TANC2: variants seen among roughly 807,000 people sequenced by gnomAD.
TANC2 encodes tetratricopeptide repeat, ankyrin repeat and coiled-coil containing 2, also known as protein TANC2.
Under a neutral mutation model 210.5 loss-of-function variants are expected in TANC2, and 26 were observed. That is an observed-to-expected ratio of 0.12 (90% confidence interval 0.09 to 0.17). TANC2 has a LOEUF of 0.17. Among genes scored for constraint, TANC2 ranks in the 10% least tolerant of loss-of-function variants. TANC2 has a pLI of 1.00. For synonymous variants in TANC2, 931 were observed against 967.1 expected, an observed-to-expected ratio of 0.96 and a Z score of 0.69; for missense variants, 2,129 against 2,608.9, an observed-to-expected ratio of 0.82 and a Z score of 4.01.
At chr17:63,194,199 A>G (rs1375946941) in intron 6 of TANC2, 60 bp downstream of exon 6, 3 of 1,528,806 alleles carry the variant, frequency 2.0e-6, no homozygotes, top group Non-Finnish European at 2.7e-6. Flanking sequence ...TATGCCAGAA[A>G]TAATCCCAAT....
intron 3 of TANC2, among the ~76,000 whole-genome samples, chr17:63,093,072 A>C (rs1239122347): frequency 6.6e-6 from 1 of 152,116 alleles, no homozygotes; most frequent in African/African-American, 2.4e-5. Flanking sequence ...GAAGAGTAGA[A>C]ATTTTTAATT....
At chr17:63,270,448 T>C (rs947582987) in intron 9 of TANC2, among the ~76,000 whole-genome samples, 2 of 152,192 alleles carry the variant, frequency 1.3e-5, no homozygotes, top group Admixed American at 6.6e-5. Flanking sequence ...ACATGTCACA[T>C]CATGCTTTCT....
In TANC2 at chr17:63,045,615, A is replaced by G. The variant is rs1253282077; in HGVS notation, c.68-28328A>G. Among the ~76,000 whole-genome samples, 3 of 152,004 alleles carry G rather than the reference A, an allele frequency of 2.0e-5. No homozygotes were observed. The East Asian group carries it at 5.8e-4, about 29-fold the overall frequency. On this transcript the variant is annotated intron_variant, in intron 2 of 27. Transcript: ENST00000689528. ...GGTAAGGGGATTATGGTATGAGAAA[A>G]GGGTCTAATCTTTTTTTCTCATGTG... is the stretch of plus-strand genomic sequence containing the variant.
At chr17:63,201,001 T>A (rs762875546) in intron 7 of TANC2, 44 bp downstream of exon 7, 3 of 1,528,412 alleles carry the variant, frequency 2.0e-6, no homozygotes, top group Non-Finnish European at 2.7e-6. Flanking sequence ...CTTTTTTTCC[T>A]TTTTAAAATA....
chr17:63,383,347 G>A lies in TANC2; in HGVS notation c.2691+3521G>A, dbSNP rs549237086. Reference sequence around the variant, plus strand: ...TCATTGCACTAAAATTCCTTTATCCGCCACCTATTCATTCCTCTCCCCTTA... The same window carrying A: ...TCATTGCACTAAAATTCCTTTATCCACCACCTATTCATTCCTCTCCCCTTA... On this transcript the variant is annotated intron_variant, in intron 15 of 27. Coordinates refer to ENST00000689528, the Ensembl canonical transcript of TANC2. Among the ~76,000 whole-genome samples, 39 of 152,062 alleles carry A rather than the reference G, an allele frequency of 2.6e-4. 2 individuals are homozygous for A. In the South Asian group the frequency reaches 5.6e-3, roughly 22 times the overall value.
chr17:63,053,398 T>A (rs1004176232), intron 2 of TANC2, among the ~76,000 whole-genome samples: 2 of 152,232 alleles, frequency 1.3e-5, no homozygotes, highest in African/African-American at 4.8e-5. Flanking sequence ...GACCTATCAA[T>A]ATTTAATATT....
chr17:63,310,891 T>C (rs1450670666), intron 9 of TANC2, among the ~76,000 whole-genome samples: 6 of 152,152 alleles, frequency 3.9e-5, no homozygotes, highest in African/African-American at 1.4e-4. Flanking sequence ...ACACAACCCA[T>C]TGACCCAGAA....
At chr17:63,170,434 TAA>T (rs761783557) in intron 5 of TANC2, among the ~76,000 whole-genome samples, 29 of 133,094 alleles carry the variant, frequency 2.2e-4, no homozygotes, top group Admixed American at 2.3e-4. Context: ...AGATTCCATT[TAA>T]AAAAAAAAAA....
chr17:63,004,873 G>C (rs28609293), intron 1 of TANC2: 1 of 319,522 alleles, frequency 3.1e-6, no homozygotes, highest in Non-Finnish European at 6.1e-6. Context: ...AGGTTTAGCA[G>C]ACAACCTTGT....
chr17:63,385,744 C>G (rs1170360873), intron 15 of TANC2, among the ~76,000 whole-genome samples: 1 of 152,200 alleles, frequency 6.6e-6, no homozygotes, highest in Non-Finnish European at 1.5e-5. Context: ...AGAGCCCAGC[C>G]TCCTCAAGGC....
intron 17 of TANC2, chr17:63,390,927 C>G (rs1482718474): frequency 6.6e-6 from 1 of 152,188 alleles, no homozygotes; most frequent in Non-Finnish European, 1.5e-5. Context: ...CACGCCTCTT[C>G]TGCCCTTCAT....
chr17:63,181,023 C>CAAA (rs1171748208), intron 5 of TANC2, among the ~76,000 whole-genome samples: 7 of 30,668 alleles, frequency 2.3e-4, no homozygotes, highest in Non-Finnish European at 3.2e-4. Flanking sequence ...GACTCCATCT[C>CAAA]AAAAAAAAAA....
chr17:63,328,828 A>G (rs1241234336), intron 11 of TANC2, among the ~76,000 whole-genome samples: 1 of 152,222 alleles, frequency 6.6e-6, no homozygotes, highest in Non-Finnish European at 1.5e-5. Context: ...GAGGTGATAC[A>G]TGTCAATTAG....
intron 6 of TANC2, among the ~76,000 whole-genome samples, chr17:63,195,566 A>T (rs1200620410): frequency 1.3e-5 from 2 of 152,146 alleles, no homozygotes; most frequent in Non-Finnish European, 2.9e-5. Flanking sequence ...GTAAGGCTGG[A>T]AGGCTGGGAT....
intron 2 of TANC2, among the ~76,000 whole-genome samples, chr17:63,059,932 C>T (rs1393331160): frequency 6.6e-6 from 1 of 152,090 alleles, no homozygotes; most frequent in Non-Finnish European, 1.5e-5. Flanking sequence ...CTAGACATGT[C>T]CACTGCTACT....
At chr17:63,143,988 A>T (rs1228255934) in intron 4 of TANC2, among the ~76,000 whole-genome samples, 1 of 151,866 alleles carries the variant, frequency 6.6e-6, no homozygotes, top group African/African-American at 2.4e-5. Flanking sequence ...CCCTGTCTTT[A>T]AAAAAAAGAA....
intron 9 of TANC2, among the ~76,000 whole-genome samples, chr17:63,296,441 G>A (rs2044539235): frequency 1.3e-5 from 2 of 151,946 alleles, no homozygotes; most frequent in Non-Finnish European, 2.9e-5. Context: ...CTGTGAAGGA[G>A]GCAGAATCTG....
chr17:63,051,766 A>G (rs983779952), intron 2 of TANC2, among the ~76,000 whole-genome samples: 1 of 152,150 alleles, frequency 6.6e-6, no homozygotes, highest in African/African-American at 2.4e-5. Context: ...GAAACAGTCA[A>G]CACTTTATTA....
intron 3 of TANC2, among the ~76,000 whole-genome samples, chr17:63,097,586 A>T (rs2037436095): frequency 6.6e-6 from 1 of 152,130 alleles, no homozygotes; most frequent in African/African-American, 2.4e-5. Context: ...GCAAAAAAAA[A>T]AAAAAAGTAA....
Sources: allele counts gnomAD v4.1 joint callset (sites outside exome capture counted in the v4.1 genomes callset), GRCh38; gene constraint gnomAD v4.1.1; transcripts MANE v1.5; gene names NCBI Gene and HGNC (gene_info 2026-07-23, HGNC 2026-07-21).